Variants in FAM151A observed in about 807,000 individuals in gnomAD.
The protein encoded by FAM151A is family with sequence similarity 151 member A.
FAM151A carries 41 observed loss-of-function variants against 40.4 expected under a neutral mutation model. The observed-to-expected ratio is 1.01, with a 90% CI of 0.79 to 1.32. The LOEUF is 1.32. Ranked by LOEUF, FAM151A falls within the 40% of genes most tolerant of loss-of-function variation. FAM151A has a pLI of 0.00. For synonymous variants in FAM151A, 337 were observed against 312.5 expected (o/e 1.08, Z -0.83); for missense variants, 740 against 740.4 (o/e 1.00, Z 0.01).
Position 54,609,805 on chromosome 1 carries a change from T to C in FAM151A, c.1221A>G (p.Gly407=). ...CTATTTGCAAATGGATGCCCCAGTG[T>C]CCGGGATGTGTGGCCAGCTGCTGCA... ...SCLQQLATHP[G]HWGIHLQIAE... The change falls in exon 8 of 8, where the codon GGA becomes GGG. Residue 407 remains glycine, a synonymous_variant. Coordinates refer to ENST00000302250, the MANE Select transcript of FAM151A (RefSeq NM_176782.3). 1 of 1,614,194 alleles carries C rather than the reference T, an allele frequency of 6.2e-7. No individual in the cohort carries two copies. Among genetic ancestry groups the C allele is most frequent in the Non-Finnish European group, 8.5e-7 (1 of 1,180,024 alleles).
intron 4 of FAM151A, 24 bp downstream of exon 4, chr1:54,614,676 T>A: frequency 1.9e-6 from 3 of 1,600,206 alleles, no homozygotes; most frequent in Non-Finnish European, 2.6e-6. Flanking sequence ...TGGACACAGC[T>A]GGGACAGAGA....
In FAM151A at chr1:54,612,640, A is replaced by T; in HGVS notation, c.646T>A (p.Ser216Thr). ...LSPGWTTFYM[S>T]TSPNRTYTQA... ...GTGTACGTCCTGTTTGGGGACGTGG[A>T]CATGTAGAAGGTGGTCCAGCCTGGA... The change falls in exon 5 of 8, where the codon TCC becomes ACC. Residue 216 changes from serine to threonine, a missense_variant. Physicochemically the swap from Ser to Thr is moderately conservative, Grantham distance 58. Coordinates refer to ENST00000302250, the MANE Select transcript of FAM151A (RefSeq NM_176782.3). 6.2e-7 allele frequency: 1 copy of T among 1,614,004 alleles called. No homozygotes were observed. Among genetic ancestry groups the T allele is most frequent in the Non-Finnish European group, 8.5e-7 (1 of 1,180,004 alleles).
intron 2 of FAM151A, among the ~76,000 whole-genome samples, chr1:54,619,111 G>C (rs1391171427): frequency 1.3e-5 from 2 of 152,208 alleles, no homozygotes; most frequent in Non-Finnish European, 1.5e-5. Flanking sequence ...TCTCAAAGTT[G>C]GTCCTGGGGC....
chr1:54,614,788 C>G lies in FAM151A; in HGVS notation c.487G>C (p.Glu163Gln), dbSNP rs938550550. ...CATATGGGCCGCCGGACTTTGCCTT[C>G]CTCTGTCAGCTGCCGCAGGAGGTCC... ...SLDLLRQLTE[E>Q]GKVRRPIWIN... The change falls in exon 4 of 8, where the codon GAA becomes CAA. Residue 163 changes from glutamate to glutamine, a missense_variant. By Grantham distance (29) the Glu-to-Gln change is conservative. Transcript: ENST00000302250. The G allele has an allele frequency of 1.2e-6, 2 of 1,614,024 alleles. No homozygotes were observed. Among genetic ancestry groups the G allele is most frequent in the African/African-American group, 2.7e-5 (2 of 74,930 alleles).
At position 54,611,680 on chromosome 1, in the gene FAM151A, C is replaced by T. The variant is rs747143485; in HGVS notation, c.866G>A (p.Arg289Gln). Residue 289 changes from arginine to glutamine, a missense_variant, in exon 6 of 8, where the codon CGG (arginine) becomes CAG (glutamine). By Grantham distance (43) the Arg-to-Gln change is conservative. Coordinates refer to ENST00000302250, the MANE Select transcript of FAM151A (RefSeq NM_176782.3). ...GACTTGGTGGACAGCAGTGTTATCC[C>T]GGACGTAGAGCAGATCTTCCACCGA... ...PMSVEDLLYV[R>Q]DNTAVHQVYY... 13 of 1,613,926 alleles carry T rather than the reference C, an allele frequency of 8.1e-6. No individual in the cohort carries two copies. The highest frequency in any genetic ancestry group is 2.7e-5 in the African/African-American group (2 of 74,900).
At chr1:54,614,564 T>C in intron 4 of FAM151A, 136 bp downstream of exon 4, 1 of 821,938 alleles carries the variant, frequency 1.2e-6, no homozygotes, top group Non-Finnish European at 1.8e-6. Context: ...GGGAACAGCA[T>C]GTGCAAAGGC....
In FAM151A at chr1:54,622,697, C is replaced by G. The variant is rs185786461; in HGVS notation, c.118+581G>C. On this transcript the variant is annotated intron_variant, in intron 1 of 7. Transcript: ENST00000302250. Reference sequence around the variant, plus strand: ...GAGGCTGCAGTGAGTTGAGATTGCACCATTGCACTCCAGCCTGGGGGACAA... The same window carrying G: ...GAGGCTGCAGTGAGTTGAGATTGCAGCATTGCACTCCAGCCTGGGGGACAA... Among the ~76,000 whole-genome samples the G allele has an allele frequency of 1.5e-3, 226 of 151,694 alleles. 1 individual carries two copies. The highest frequency in any genetic ancestry group is 2.0e-3 in the Non-Finnish European group (135 of 67,912).
intron 6 of FAM151A, chr1:54,610,899 G>T: frequency 1.0e-6 from 1 of 985,376 alleles, no homozygotes; most frequent in Non-Finnish European, 1.2e-6. Flanking sequence ...CTGGGTTCGG[G>T]GTCAAGGGAA....
chr1:54,609,381 C>T lies in FAM151A; in HGVS notation c.1645G>A (p.Ala549Thr). ...GCCAGCAATGCTGTCCTCACAGAGG[C>T]ATAGTCGCCCCCAGCTGGGTTGTGC... Reference protein sequence around the residue: ...VEHNPAGGDYASVRTALLAAR... With the variant: ...VEHNPAGGDYTSVRTALLAAR... Residue 549 changes from alanine (A) to threonine (T), a missense_variant, in exon 8 of 8, where the codon GCC becomes ACC. Physicochemically the swap from Ala to Thr is moderately conservative, Grantham distance 58. Transcript: ENST00000302250. 6.2e-7 allele frequency: 1 copy of T among 1,614,154 alleles called. No individual in the cohort carries two copies. The highest frequency in any genetic ancestry group is 8.5e-7 in the Non-Finnish European group (1 of 1,180,014).
At chr1:54,622,671 C>T (rs571668867) in intron 1 of FAM151A, among the ~76,000 whole-genome samples, 9 of 151,716 alleles carry the variant, frequency 5.9e-5, no homozygotes, top group South Asian at 4.2e-4. Flanking sequence ...TCCAGGAGGC[C>T]GAGGCTGCAG....
chr1:54,614,473 C>T (rs1364199223), intron 4 of FAM151A, among the ~76,000 whole-genome samples: 1 of 151,918 alleles, frequency 6.6e-6, no homozygotes, highest in Non-Finnish European at 1.5e-5. Context: ...CTGCAGTGGC[C>T]TAAGATGTCA....
intron 7 of FAM151A, 189 bp downstream of exon 7, chr1:54,610,223 C>T: frequency 7.0e-7 from 1 of 1,438,042 alleles, no homozygotes; most frequent in African/African-American, 1.4e-5. Flanking sequence ...GTCTGAAGGC[C>T]AGGAGCCCTG....
In FAM151A at chr1:54,614,861, T is replaced by C; in HGVS notation, c.416-2A>G. On this transcript the variant is annotated splice_acceptor_variant, in intron 3 of 7. Transcript: ENST00000302250. LOFTEE classifies it high-confidence loss of function. ...TGTTCTTGAAGTCCAGTTTGATGCC[T>C]GTGGGGAAAGGAACAAGGGCTTGGG... 6.2e-7 allele frequency: 1 copy of C among 1,613,050 alleles called. No individual in the cohort carries two copies. Among genetic ancestry groups the C allele is most frequent in the Non-Finnish European group, 8.5e-7 (1 of 1,179,562 alleles).
In FAM151A at chr1:54,610,623, G is replaced by A; in HGVS notation, c.941-68C>T. On this transcript the variant is annotated intron_variant, in intron 6 of 7. Coordinates refer to ENST00000302250, the MANE Select transcript of FAM151A (RefSeq NM_176782.3). ...CAGAACACCTTACCTGGTTGCTAGG[G>A]TCCCATAGGCCACAGCTCTACGGGC... is the stretch of plus-strand genomic sequence containing the variant. The A allele has an allele frequency of 2.5e-6, 4 of 1,569,138 alleles. No homozygotes were observed. The South Asian group carries it at 3.6e-5, about 14-fold the overall frequency.
chr1:54,610,373 G>C, intron 7 of FAM151A, 39 bp downstream of exon 7: 3 of 1,603,802 alleles, frequency 1.9e-6, no homozygotes, highest in Non-Finnish European at 2.6e-6. Context: ...CACCCCTGCA[G>C]ATGAGCTGGG....
chr1:54,611,480 G>T lies in FAM151A; in HGVS notation c.940+126C>A, dbSNP rs1026660409. ...AGGGCCTGGCACACAAAATGCAGCC[G>T]CCTCCTGTCCCACCCCGGCCTTCCC... On this transcript the variant is annotated intron_variant, in intron 6 of 7. Transcript: ENST00000302250. 4.8e-5 allele frequency: 42 copies of T among 867,092 alleles called. 1 individual carries two copies. Among genetic ancestry groups the T allele is most frequent in the Non-Finnish European group, 7.6e-5 (42 of 553,566 alleles). 53.7% of individuals were successfully genotyped at this position (867,092 alleles called of 1,614,324 possible).
At chr1:54,622,888 T>C (rs940512966) in intron 1 of FAM151A, among the ~76,000 whole-genome samples, 1 of 151,914 alleles carries the variant, frequency 6.6e-6, no homozygotes, top group African/African-American at 2.4e-5. Context: ...CAAGAAGAGC[T>C]GGTTGGCCAG....
intron 6 of FAM151A, 88 bp downstream of exon 6, chr1:54,611,518 C>T: frequency 2.9e-6 from 4 of 1,399,156 alleles, no homozygotes; most frequent in East Asian, 2.3e-5. Context: ...TTCTGATATC[C>T]CTTCCACCCA....
Position 54,610,420 on chromosome 1 carries a change from G to A in FAM151A, c.1076C>T (p.Thr359Ile), listed in dbSNP as rs1201312008. The change falls in exon 7 of 8, where the codon ACC becomes ATC. Residue 359 changes from threonine (T) to isoleucine (I), a missense_variant. Coordinates refer to ENST00000302250, the MANE Select transcript of FAM151A (RefSeq NM_176782.3). The part of the protein sequence containing the change: ...VQGSGKTATM[T>I]LPDTEGMILL... ...TGAAGGGTAGACCTTACCTGGGAGG[G>A]TCATTGTTGCTGTTTTACCGCTGCC... 2 of 1,613,190 alleles carry A rather than the reference G, an allele frequency of 1.2e-6. No individual in the cohort carries two copies. The highest frequency in any genetic ancestry group is 1.7e-6 in the Non-Finnish European group (2 of 1,179,520).
Sources: gnomAD v4.1 joint callset for allele counts (sites outside exome capture counted in the v4.1 genomes callset) on GRCh38, gnomAD v4.1.1 for gene constraint, MANE v1.5 for transcripts, NCBI Gene and HGNC (gene_info 2026-07-23, HGNC 2026-07-21) for gene names.